PM20D1: variants seen among roughly 807,000 people sequenced by gnomAD.
PM20D1 encodes N-fatty-acyl-amino acid synthase/hydrolase PM20D1.
In PM20D1, 53 loss-of-function variants were observed where a neutral mutation model predicts 53.8. The ratio of observed to expected loss-of-function variants is 0.98; its 90% confidence interval spans 0.79 to 1.24. The LOEUF is 1.24. Ranked by LOEUF, PM20D1 falls within the 50% of genes most tolerant of loss-of-function variation. The probability of loss-of-function intolerance (pLI) is 0.00; values close to 1 mark genes in which losing one functional copy is unlikely to be tolerated. For synonymous variants in PM20D1, 239 were observed against 241.3 expected, an observed-to-expected ratio of 0.99 and a Z score of 0.09; for missense variants, 564 against 616.8, an observed-to-expected ratio of 0.91 and a Z score of 0.91.
Position 205,839,987 on chromosome 1 carries a change from A to G in PM20D1, c.1116+265T>C, listed in dbSNP as rs185543843. On this transcript the variant is annotated intron_variant, in intron 10 of 12. Coordinates refer to ENST00000367136, the MANE Select transcript of PM20D1 (RefSeq NM_152491.5). ...CACAGCAAGCCTACTACACTACTACATATATATAATGTTATATATAATGTT... is the reference window on the plus strand; with the variant it reads ...CACAGCAAGCCTACTACACTACTACGTATATATAATGTTATATATAATGTT... Among the ~76,000 whole-genome samples, 173 of 151,660 alleles carry G rather than the reference A, an allele frequency of 1.1e-3. 2 individuals are homozygous for G. The highest frequency in any genetic ancestry group is 0.011 in the Admixed American group (161 of 15,232).
intron 10 of PM20D1, among the ~76,000 whole-genome samples, chr1:205,834,841 A>T (rs551905297): frequency 6.6e-6 from 1 of 152,196 alleles, no homozygotes; most frequent in Non-Finnish European, 1.5e-5. Flanking sequence ...CAGGTTTCCC[A>T]CTAGCTGCTG....
At chr1:205,843,849 C>G in intron 5 of PM20D1, 63 bp from the exon 6 acceptor site, 2 of 1,580,578 alleles carry the variant, frequency 1.3e-6, no homozygotes, top group Non-Finnish European at 1.7e-6. Flanking sequence ...TCCCATAGGC[C>G]CATAGGTCCA....
chr1:205,839,806 GA>G, intron 10 of PM20D1, among the ~76,000 whole-genome samples: 1 of 150,272 alleles, frequency 6.7e-6, no homozygotes, highest in South Asian at 2.1e-4. Context: ...AGCTACTTGG[GA>G]ATCTGAGGCA....
At position 205,842,784 on chromosome 1, in the gene PM20D1, G is replaced by A. The variant is rs375459305; in HGVS notation, c.828-33C>T. 6.4e-5 allele frequency: 103 copies of A among 1,600,020 alleles called. No homozygotes were observed. The African/African-American group carries it at 1.0e-3, about 16-fold the overall frequency. ...AGAAACAGAGTCCTCAAGACTTAGC[G>A]AACCCCAGCCAAAGATCAGTGGCTT... On this transcript the variant is annotated intron_variant, in intron 6 of 12. Coordinates refer to ENST00000367136, the MANE Select transcript of PM20D1 (RefSeq NM_152491.5).
At chr1:205,835,651 CAAAAAAAAAAAA>C (rs59126866) in intron 10 of PM20D1, among the ~76,000 whole-genome samples, 1 of 55,558 alleles carries the variant, frequency 1.8e-5, no homozygotes, top group Admixed American at 3.2e-4. Context: ...GACTCCGACT[CAAAAAAAAAAAA>C]AAAAAAAAAA....
At chr1:205,837,275 T>TTGA (rs1656704375) in intron 10 of PM20D1, among the ~76,000 whole-genome samples, 1 of 152,222 alleles carries the variant, frequency 6.6e-6, no homozygotes, top group Non-Finnish European at 1.5e-5. Context: ...AACACTCTTA[T>TTGA]TGAGCCCTTT....
chr1:205,843,528 C>T (rs914913204), intron 6 of PM20D1, 139 bp downstream of exon 6: 1 of 1,245,892 alleles, frequency 8.0e-7, no homozygotes, highest in Non-Finnish European at 1.1e-6. Context: ...TCTGTTCTTC[C>T]TCTAGTGTCA....
intron 10 of PM20D1, among the ~76,000 whole-genome samples, chr1:205,837,641 C>CA (rs1311970891): frequency 6.6e-6 from 1 of 152,152 alleles, no homozygotes; most frequent in African/African-American, 2.4e-5. Context: ...CAAATGCGCC[C>CA]ACAAGCTTTC....
chr1:205,835,899 G>A (rs1227368120), intron 10 of PM20D1, among the ~76,000 whole-genome samples: 4 of 150,834 alleles, frequency 2.7e-5, no homozygotes, highest in Non-Finnish European at 4.4e-5. Context: ...TTTTTGAGAC[G>A]GAGTCTCGCT....
chr1:205,830,436 GTGGCTGGGGTGTGGCC>G, intron 11 of PM20D1, 57 bp from the exon 12 acceptor site: 2 of 1,284,632 alleles, frequency 1.6e-6, no homozygotes, highest in South Asian at 2.4e-5. Flanking sequence ...AACCAGCGAA[GTGGCTGGGGTGTGGCC>G]TGGCTGGAAA....
At chr1:205,832,793 G>T (rs368387021) in intron 10 of PM20D1, 27 bp from the exon 11 acceptor site, 7 of 1,533,246 alleles carry the variant, frequency 4.6e-6, no homozygotes, top group African/African-American at 1.4e-5. Context: ...AAGGGGGTTC[G>T]ATTTCTTATT....
chr1:205,848,407 A>G (rs911875752), intron 1 of PM20D1, among the ~76,000 whole-genome samples: 3 of 152,174 alleles, frequency 2.0e-5, no homozygotes, highest in Admixed American at 6.5e-5. Context: ...CCCTACATCA[A>G]TGAGGCTTGT....
chr1:205,833,083 G>C (rs1047861567), intron 10 of PM20D1, among the ~76,000 whole-genome samples: 2 of 152,234 alleles, frequency 1.3e-5, no homozygotes, highest in Non-Finnish European at 2.9e-5. Flanking sequence ...GTGGCAAGGG[G>C]ATGGCCTGGC....
Position 205,830,383 on chromosome 1 carries a change from G to A in PM20D1, c.1286-4C>T. ...TCTGTGTTGCCAATAGAAGTAACTAGAGAGGGAAGATCAACAGGAAAGGGG... is the reference window on the plus strand; with the variant it reads ...TCTGTGTTGCCAATAGAAGTAACTAAAGAGGGAAGATCAACAGGAAAGGGG... On this transcript the variant is annotated splice_region_variant and splice_polypyrimidine_tract_variant and intron_variant, in intron 11 of 12. Coordinates refer to ENST00000367136, the MANE Select transcript of PM20D1 (RefSeq NM_152491.5). 1 of 1,589,086 alleles carries A rather than the reference G, an allele frequency of 6.3e-7. No homozygotes were observed. Among genetic ancestry groups the A allele is most frequent in the Non-Finnish European group, 8.6e-7 (1 of 1,157,188 alleles).
chr1:205,845,049 G>T, intron 3 of PM20D1, 152 bp from the exon 4 acceptor site: 1 of 704,774 alleles, frequency 1.4e-6, no homozygotes, highest in Non-Finnish European at 2.4e-6. Flanking sequence ...ATGGTACAGG[G>T]GACCTGATGC....
At position 205,850,132 on chromosome 1, in the gene PM20D1, T is replaced by A; in HGVS notation, c.-60A>T. The A allele has an allele frequency of 6.5e-7, 1 of 1,542,666 alleles. No individual in the cohort carries two copies. Among genetic ancestry groups the A allele is most frequent in the Non-Finnish European group, 8.8e-7 (1 of 1,137,340 alleles). On this transcript the variant is annotated 5_prime_UTR_variant, in exon 1 of 13. Coordinates refer to ENST00000367136, the MANE Select transcript of PM20D1 (RefSeq NM_152491.5). ...GTAGTTCTGACCTAAACGCCCAGAC[T>A]AGCGTTTCTTGGCCCTAGCTCTGCT...
chr1:205,843,551 A>G (rs889889573), intron 6 of PM20D1, 116 bp downstream of exon 6: 2 of 1,435,750 alleles, frequency 1.4e-6, no homozygotes, highest in Non-Finnish European at 1.9e-6. Flanking sequence ...TTTTTATAGC[A>G]TAGTTTCCCA....
chr1:205,846,590 A>G (rs949980688), intron 2 of PM20D1, among the ~76,000 whole-genome samples: 3 of 152,200 alleles, frequency 2.0e-5, no homozygotes, highest in Non-Finnish European at 2.9e-5. Context: ...ATATTTAAAT[A>G]TTATATTAAA....
In PM20D1 at chr1:205,842,171, A is replaced by C. The variant is rs1414599309; in HGVS notation, c.948T>G (p.Phe316Leu). The change falls in exon 8 of 13, where the codon TTT (phenylalanine) becomes TTG (leucine). Residue 316 changes from phenylalanine (F) to leucine (L), a missense_variant. Coordinates refer to ENST00000367136, the MANE Select transcript of PM20D1 (RefSeq NM_152491.5). ...VNIILSNPWL[F>L]EPLISRFMER... ...TACTTTACCTGCTTATAAGTGGTTC[A>C]AATAGCCATGGGTTGCTCAGGATTA... The C allele has an allele frequency of 6.2e-7, 1 of 1,613,188 alleles. No individual in the cohort carries two copies.
Sources: gnomAD v4.1 joint callset for allele counts (sites outside exome capture counted in the v4.1 genomes callset) on GRCh38, gnomAD v4.1.1 for gene constraint, MANE v1.5 for transcripts, NCBI Gene and HGNC (gene_info 2026-07-23, HGNC 2026-07-21) for gene names.